TTC21B: variants seen among roughly 807,000 people sequenced by gnomAD.
TTC21B encodes the protein tetratricopeptide repeat protein 21B.
A neutral mutation model predicts 175.1 loss-of-function variants in TTC21B; 127 were observed. That is an observed-to-expected ratio of 0.73 (90% confidence interval 0.63 to 0.84). The LOEUF (loss-of-function observed/expected upper bound fraction) is 0.84. Among genes scored for constraint, TTC21B ranks in the 40% least tolerant of loss-of-function variants. TTC21B has a pLI of 0.00. For synonymous variants in TTC21B, 524 were observed against 524.5 expected (o/e 1.00, Z 0.01); for missense variants, 1,561 against 1,558.3 (o/e 1.00, Z -0.03).
At chr2:165,923,510 G>A (rs954635485) in intron 12 of TTC21B, among the ~76,000 whole-genome samples, 55 of 147,172 alleles carry the variant, frequency 3.7e-4, no homozygotes, top group Non-Finnish European at 6.7e-4. Flanking sequence ...GCAGTGGCAC[G>A]ATCTGCTGAC....
intron 26 of TTC21B, among the ~76,000 whole-genome samples, chr2:165,882,408 C>T (rs1684867663): frequency 1.3e-5 from 2 of 152,196 alleles, no homozygotes; most frequent in East Asian, 1.9e-4. Context: ...TTTGGATCTT[C>T]GAGAAGTCAT....
rs377694012 is a variant in TTC21B at position 165,946,824 on chromosome 2, G to A, written c.263-1134C>T. Reference sequence around the variant, plus strand: ...CTGCACTCCAGCCTGGGCAACAGAGGAGGTATATGGTTAAGGATCACTGTA... The same window carrying A: ...CTGCACTCCAGCCTGGGCAACAGAGAAGGTATATGGTTAAGGATCACTGTA... On this transcript the variant is annotated intron_variant, in intron 3 of 28. Coordinates refer to ENST00000243344, the MANE Select transcript of TTC21B (RefSeq NM_024753.5). Among the ~76,000 whole-genome samples, 55 of 152,080 alleles carry A rather than the reference G, an allele frequency of 3.6e-4. No homozygotes were observed. In the South Asian group the frequency reaches 0.011, roughly 31 times the overall value.
intron 11 of TTC21B, among the ~76,000 whole-genome samples, chr2:165,927,280 A>AT (rs1686699145): frequency 9.6e-6 from 1 of 103,902 alleles, no homozygotes; most frequent in Non-Finnish European, 1.8e-5. Flanking sequence ...TTATATATAT[A>AT]TATATCCTAG....
chr2:165,945,893 A>C (rs1181701514), intron 3 of TTC21B, among the ~76,000 whole-genome samples: 2 of 152,194 alleles, frequency 1.3e-5, no homozygotes, highest in Non-Finnish European at 2.9e-5. Context: ...AATTAATCTT[A>C]ATGTTTTATT....
chr2:165,913,698 C>A, intron 15 of TTC21B, 52 bp from the exon 16 acceptor site: 2 of 1,430,782 alleles, frequency 1.4e-6, no homozygotes, highest in African/African-American at 1.4e-5. Context: ...TATCTTCTTC[C>A]AAAAATAAAA....
chr2:165,895,892 AAG>A (rs1310598641), intron 22 of TTC21B, among the ~76,000 whole-genome samples: 5 of 152,184 alleles, frequency 3.3e-5, no homozygotes, highest in African/African-American at 1.2e-4. Context: ...AAAAAACTCA[AAG>A]AGTAAAAATA....
chr2:165,888,503 T>C, intron 24 of TTC21B, 29 bp from the exon 25 acceptor site: 1 of 1,524,150 alleles, frequency 6.6e-7, no homozygotes, highest in Non-Finnish European at 9.0e-7. Context: ...AAATCACTTC[T>C]GTCTCTTACT....
intron 9 of TTC21B, 105 bp from the exon 10 acceptor site, chr2:165,929,852 A>G (rs1051226317): frequency 1.3e-6 from 1 of 792,012 alleles, no homozygotes; most frequent in South Asian, 1.4e-5. Context: ...CCCCATCACA[A>G]TACTTAACGT....
intron 19 of TTC21B, among the ~76,000 whole-genome samples, chr2:165,904,403 A>G (rs1685660532): frequency 6.6e-6 from 1 of 152,228 alleles, no homozygotes. Flanking sequence ...AGAACAAAAA[A>G]ATTTTGGGAC....
intron 18 of TTC21B, among the ~76,000 whole-genome samples, chr2:165,910,531 T>G (rs374486101): frequency 1.6e-3 from 237 of 152,136 alleles, no homozygotes; most frequent in African/African-American, 5.4e-3. Context: ...TATATGCAAA[T>G]GTACACTAAG....
chr2:165,874,802 T>A lies in TTC21B; in HGVS notation c.3904A>T (p.Ile1302Phe). Residue 1302 changes from isoleucine to phenylalanine, a missense_variant, in exon 29 of 29, where the codon ATC becomes TTC. Coordinates refer to ENST00000243344, the MANE Select transcript of TTC21B (RefSeq NM_024753.5). ...GCCTTATCAAGTATATCCTTTCTGA[T>A]TTTTGGATAAGTTGGATGTGCTTCA... ...VLEAHPTYPK[I>F]RKDILDKARA... 1 of 1,613,718 alleles carries A rather than the reference T, an allele frequency of 6.2e-7. No individual in the cohort carries two copies. The highest frequency in any genetic ancestry group is 8.5e-7 in the Non-Finnish European group (1 of 1,179,788).
At chr2:165,915,759 G>C (rs1000955187) in intron 14 of TTC21B, among the ~76,000 whole-genome samples, 3 of 152,088 alleles carry the variant, frequency 2.0e-5, no homozygotes, top group South Asian at 4.1e-4. Flanking sequence ...TGTACACACT[G>C]GCTCTTCATT....
intron 19 of TTC21B, among the ~76,000 whole-genome samples, chr2:165,903,151 C>A (rs1369257714): frequency 6.6e-6 from 1 of 152,138 alleles, no homozygotes; most frequent in African/African-American, 2.4e-5. Flanking sequence ...CCTTTTCCAA[C>A]AAGTTAAGTG....
intron 25 of TTC21B, 130 bp from the exon 26 acceptor site, chr2:165,884,148 T>A: frequency 1.3e-6 from 1 of 772,310 alleles, no homozygotes; most frequent in Non-Finnish European, 2.2e-6. Context: ...CAGATAACTG[T>A]GATTACAGGT....
chr2:165,932,950 TTAAA>T lies in TTC21B; in HGVS notation c.795+19_795+22del, dbSNP rs2105348638. ...AAATATATTTTTTAATATAGGAAAC[TTAAA>T]TAATACAATGCCACTTACCTTCTCT... is the stretch of plus-strand genomic sequence containing the variant. On this transcript the variant is annotated intron_variant, in intron 7 of 28. Transcript: ENST00000243344. 2.5e-6 allele frequency: 4 copies of T among 1,599,604 alleles called. No homozygotes were observed. Among genetic ancestry groups the T allele is most frequent in the Non-Finnish European group, 3.4e-6 (4 of 1,167,948 alleles).
intron 22 of TTC21B, among the ~76,000 whole-genome samples, chr2:165,891,359 G>C (rs1034298946): frequency 6.6e-6 from 1 of 151,964 alleles, no homozygotes; most frequent in African/African-American, 2.4e-5. Context: ...GTTCACTGTC[G>C]GTCTCTGAGA....
chr2:165,946,489 GTAAAT>G (rs1415994034), intron 3 of TTC21B, among the ~76,000 whole-genome samples: 1 of 152,072 alleles, frequency 6.6e-6, no homozygotes, highest in Non-Finnish European at 1.5e-5. Flanking sequence ...AGTTTAAAAA[GTAAAT>G]TAATTAGAAT....
Position 165,874,797 on chromosome 2 carries a change from T to A in TTC21B, c.3909A>T (p.Arg1303Ser). Reference sequence around the variant, plus strand: ...CACGGGCCTTATCAAGTATATCCTTTCTGATTTTTGGATAAGTTGGATGTG... The same window carrying A: ...CACGGGCCTTATCAAGTATATCCTTACTGATTTTTGGATAAGTTGGATGTG... ...LEAHPTYPKI[R>S]KDILDKARAS... Residue 1303 changes from arginine to serine, a missense_variant, in exon 29 of 29, where the codon AGA (arginine) becomes AGT (serine). Arg to Ser is a moderately radical substitution (Grantham distance 110). Transcript: ENST00000243344. 6.2e-7 allele frequency: 1 copy of A among 1,613,804 alleles called. No individual in the cohort carries two copies. The highest frequency in any genetic ancestry group is 8.5e-7 in the Non-Finnish European group (1 of 1,179,840).
In TTC21B at chr2:165,880,598, A is replaced by G. The variant is rs1252916984; in HGVS notation, c.3805+81T>C. The G allele has an allele frequency of 2.0e-6, 3 of 1,501,708 alleles. No homozygotes were observed. The African/African-American group carries it at 4.2e-5, about 21-fold the overall frequency. The allele number at this position is 1,501,708 out of a possible 1,614,324, so 93.0% of individuals were successfully genotyped here. On this transcript the variant is annotated intron_variant, in intron 27 of 28. Transcript: ENST00000243344. ...GACTCAATGTTTATTTTGTTTTGAAAAAAATCAAATGCATTTAAATGAAAA... is the reference window on the plus strand; with the variant it reads ...GACTCAATGTTTATTTTGTTTTGAAGAAAATCAAATGCATTTAAATGAAAA...
Sources: gnomAD v4.1 joint callset for allele counts (sites outside exome capture counted in the v4.1 genomes callset) on GRCh38, gnomAD v4.1.1 for gene constraint, MANE v1.5 for transcripts, NCBI Gene and HGNC (gene_info 2026-07-23, HGNC 2026-07-21) for gene names.